EPB41L4A: variants seen among roughly 807,000 people sequenced by gnomAD.
EPB41L4A encodes band 4.1-like protein 4A.
In EPB41L4A, 100 loss-of-function variants were observed where a neutral mutation model predicts 108.6. That is an observed-to-expected ratio of 0.92 (90% CI 0.78 to 1.09). The LOEUF (loss-of-function observed/expected upper bound fraction) is 1.09, where lower values mean the gene tolerates loss of function less well. EPB41L4A is among the 50% of genes least tolerant of loss of function. The pLI is 0.00. For missense variants in EPB41L4A, 1,030 were observed against 842.7 expected, an observed-to-expected ratio of 1.22 and a Z score of -2.75; for synonymous variants, 319 against 289.0, an observed-to-expected ratio of 1.10 and a Z score of -1.05.
intron 1 of EPB41L4A, among the ~76,000 whole-genome samples, chr5:112,342,939 C>G (rs1025693969): frequency 6.6e-6 from 1 of 152,140 alleles, no homozygotes; most frequent in Non-Finnish European, 1.5e-5. Flanking sequence ...TTGGATAGAA[C>G]GGTTTCTAAA....
Position 112,259,665 on chromosome 5 carries a change from T to C in EPB41L4A, c.731+226A>G, listed in dbSNP as rs192636173. 3.6e-3 allele frequency among the ~76,000 whole-genome samples: 542 copies of C among 152,250 alleles called. 3 individuals are homozygous for C. The highest frequency in any genetic ancestry group is 0.013 in the African/African-American group (520 of 41,530). ...TACTGAAATGGGTGAGAAATCCTAC[T>C]ACACACAGCTCCCAGGGAAAAGAGA... is the stretch of plus-strand genomic sequence containing the variant. On this transcript the variant is annotated intron_variant, in intron 8 of 22. Coordinates refer to ENST00000261486, the MANE Select transcript of EPB41L4A (RefSeq NM_022140.5).
rs1760039248 is a variant in EPB41L4A at position 112,163,443 on chromosome 5, G to A, written c.*1547C>T. 1 of 152,252 alleles carries A rather than the reference G, an allele frequency of 6.6e-6. No individual in the cohort carries two copies. Among genetic ancestry groups the A allele is most frequent in the Admixed American group, 6.5e-5 (1 of 15,284 alleles). The allele number at this position is 152,252 out of a possible 1,614,324, so 9.4% of individuals were successfully genotyped here. A position where few individuals can be genotyped will look rare whatever the true frequency, so the allele number is the denominator to read the frequency against. On this transcript the variant is annotated 3_prime_UTR_variant, in exon 23 of 23. Coordinates refer to ENST00000261486, the MANE Select transcript of EPB41L4A (RefSeq NM_022140.5). ...TAAATGAGATCTGCTGGTGGTAGAG[G>A]AAGAGGGCCTAGGGTCTGAAGTTTG...
intron 2 of EPB41L4A, among the ~76,000 whole-genome samples, chr5:112,298,689 T>A (rs1389395536): frequency 6.6e-6 from 1 of 152,162 alleles, no homozygotes; most frequent in African/African-American, 2.4e-5. Context: ...GAGGATTTCC[T>A]CTTTATCTTG....
intron 1 of EPB41L4A, among the ~76,000 whole-genome samples, chr5:112,318,937 C>A (rs778858225): frequency 1.3e-5 from 2 of 152,226 alleles, no homozygotes; most frequent in Non-Finnish European, 2.9e-5. Flanking sequence ...TGTAACCCTT[C>A]CTTCAACCCT....
At chr5:112,396,501 G>A (rs1306091566) in intron 1 of EPB41L4A, among the ~76,000 whole-genome samples, 1 of 152,230 alleles carries the variant, frequency 6.6e-6, no homozygotes, top group East Asian at 1.9e-4. Flanking sequence ...ATCTCACACA[G>A]CATCCAAGAG....
At chr5:112,351,514 T>C (rs1758041997) in intron 1 of EPB41L4A, among the ~76,000 whole-genome samples, 1 of 152,180 alleles carries the variant, frequency 6.6e-6, no homozygotes, top group South Asian at 2.1e-4. Context: ...CTGGATGGTT[T>C]TACTGCCAAA....
chr5:112,348,255 C>T (rs1316273683), intron 1 of EPB41L4A, among the ~76,000 whole-genome samples: 1 of 152,192 alleles, frequency 6.6e-6, no homozygotes, highest in Non-Finnish European at 1.5e-5. Flanking sequence ...ACACCTCCAC[C>T]TTTGTCCATT....
intron 18 of EPB41L4A, among the ~76,000 whole-genome samples, chr5:112,180,859 A>G (rs1018326536): frequency 6.6e-6 from 1 of 152,240 alleles, no homozygotes; most frequent in Non-Finnish European, 1.5e-5. Context: ...CAAATGAATA[A>G]GAAAAAGGAC....
chr5:112,213,159 C>G (rs1033987429), intron 12 of EPB41L4A, among the ~76,000 whole-genome samples: 3 of 152,082 alleles, frequency 2.0e-5, no homozygotes, highest in African/African-American at 7.2e-5. Flanking sequence ...CACTCACAAC[C>G]AGCATAGCCA....
chr5:112,179,720 G>A (rs1761050550), intron 18 of EPB41L4A, among the ~76,000 whole-genome samples: 1 of 152,104 alleles, frequency 6.6e-6, no homozygotes, highest in African/African-American at 2.4e-5. Context: ...GTGACATATT[G>A]AATGCTCTCC....
In EPB41L4A at chr5:112,184,060, GT is replaced by G. The variant is rs755555590; in HGVS notation, c.1577del (p.Asn526ThrfsTer46). 8.1e-6 allele frequency: 13 copies of G among 1,613,822 alleles called. No individual in the cohort carries two copies. The South Asian group carries it at 1.1e-4, about 14-fold the overall frequency. ...EAVLRRQKEK[N>X]QADPNNRRSR... Reference sequence around the variant, plus strand: ...ATCGCCTGTTGTTGGGGTCGGCTTGGTTTTTTTCCTTTTGTCTCCTTAATAC... The same window carrying G: ...ATCGCCTGTTGTTGGGGTCGGCTTGGTTTTTTCCTTTTGTCTCCTTAATAC... On this transcript the variant is annotated frameshift_variant, in exon 18 of 23. Transcript: ENST00000261486. LOFTEE classifies it high-confidence loss of function.
chr5:112,368,515 T>C (rs12187787), intron 1 of EPB41L4A, among the ~76,000 whole-genome samples: 23,793 of 152,078 alleles, frequency 0.16, 2,095 homozygotes, highest in African/African-American at 0.22. Context: ...TACCACCCAC[T>C]GCTTCCCTCC....
intron 12 of EPB41L4A, among the ~76,000 whole-genome samples, chr5:112,219,068 TTC>T (rs1554079754): frequency 2.0e-5 from 3 of 152,230 alleles, no homozygotes; most frequent in Non-Finnish European, 4.4e-5. Context: ...ACATTCTTTT[TTC>T]TCTTTGTGTT....
At chr5:112,307,562 C>A (rs1754776336) in intron 1 of EPB41L4A, 72 bp from the exon 2 acceptor site, 9 of 945,996 alleles carry the variant, frequency 9.5e-6, no homozygotes, top group Non-Finnish European at 1.5e-5. Context: ...TCATGGTTCT[C>A]ATCTTTTATT....
chr5:112,154,774 G>A (rs910973896), intron 12 of EPB41L4A, among the ~76,000 whole-genome samples: 1 of 152,104 alleles, frequency 6.6e-6, no homozygotes, highest in Admixed American at 6.6e-5. Context: ...GACATAAATT[G>A]TGCTAACAGA....
chr5:112,146,740 T>C (rs1759274671), intron 12 of EPB41L4A, among the ~76,000 whole-genome samples: 1 of 152,220 alleles, frequency 6.6e-6, no homozygotes, highest in African/African-American at 2.4e-5. Context: ...TAACCCTCGT[T>C]GCTACTGGCA....
chr5:112,382,496 C>G (rs887016547), intron 1 of EPB41L4A, among the ~76,000 whole-genome samples: 1 of 152,196 alleles, frequency 6.6e-6, no homozygotes, highest in African/African-American at 2.4e-5. Flanking sequence ...CACCTGGCTA[C>G]TCTTGGGGAA....
intron 9 of EPB41L4A, among the ~76,000 whole-genome samples, chr5:112,256,051 C>T (rs1246351579): frequency 6.6e-6 from 1 of 152,180 alleles, no homozygotes; most frequent in African/African-American, 2.4e-5. Context: ...CCAACAGCTT[C>T]TCCGCACTTT....
intron 1 of EPB41L4A, among the ~76,000 whole-genome samples, chr5:112,331,618 G>A (rs1466919007): frequency 3.9e-5 from 6 of 152,196 alleles, no homozygotes; most frequent in Non-Finnish European, 8.8e-5. Context: ...CTGCCCAAGC[G>A]GGGCCTTCTG....
Sources: gnomAD v4.1 joint callset for allele counts (sites outside exome capture counted in the v4.1 genomes callset) on GRCh38, gnomAD v4.1.1 for gene constraint, MANE v1.5 for transcripts, NCBI Gene and HGNC (gene_info 2026-07-23, HGNC 2026-07-21) for gene names.